C12orf76: variants seen among roughly 807,000 people sequenced by gnomAD.
C12orf76 encodes the protein chromosome 12 open reading frame 76.
C12orf76 carries 6 observed loss-of-function variants against 6.8 expected under a neutral mutation model. The ratio of observed to expected loss-of-function variants is 0.88; its 90% CI spans 0.48 to 1.73. The LOEUF (loss-of-function observed/expected upper bound fraction) is 1.73, where lower values mean the gene tolerates loss of function less well. C12orf76 is among the 40% of genes most tolerant of loss of function. C12orf76 has a pLI of 0.01. For missense variants in C12orf76, 99 were observed against 98.2 expected, an observed-to-expected ratio of 1.01 and a Z score of -0.03; for synonymous variants, 56 against 43.7, an observed-to-expected ratio of 1.28 and a Z score of -1.11.
At chr12:110,066,623 G>T (rs552498143) in intron 1 of C12orf76, among the ~76,000 whole-genome samples, 6 of 152,070 alleles carry the variant, frequency 3.9e-5, no homozygotes, top group Non-Finnish European at 5.9e-5. Flanking sequence ...GGGAGGCGGA[G>T]GTTGCCGTGA....
chr12:110,061,918 C>T (rs552197923), intron 2 of C12orf76, among the ~76,000 whole-genome samples: 2 of 152,240 alleles, frequency 1.3e-5, no homozygotes, highest in South Asian at 2.1e-4. Context: ...ACTGGCTACA[C>T]GACCTTGGAC....
At chr12:110,045,612 T>C (rs1256766443) in intron 1 of C12orf76, among the ~76,000 whole-genome samples, 2 of 149,878 alleles carry the variant, frequency 1.3e-5, no homozygotes, top group African/African-American at 4.9e-5. Flanking sequence ...AACTTAAAAC[T>C]CCCAAAGCAG....
At position 110,042,195 on chromosome 12, in the gene C12orf76, AG is replaced by A. The variant is rs2137209724; in HGVS notation, c.*178del. On this transcript the variant is annotated 3_prime_UTR_variant, in exon 2 of 2. Coordinates refer to ENST00000615315, the MANE Select transcript of C12orf76 (RefSeq NM_001389625.1). Reference sequence around the variant, plus strand: ...CTCAGGGGCCAATTATTTGCGCTACAGTGTTAGGAAAAAATAATGTCTAGTA... The same window carrying A: ...CTCAGGGGCCAATTATTTGCGCTACATGTTAGGAAAAAATAATGTCTAGTA... The A allele has an allele frequency of 1.7e-6, 1 of 599,088 alleles. No individual in the cohort carries two copies. Among genetic ancestry groups the A allele is most frequent in the Non-Finnish European group, 3.0e-6 (1 of 333,236 alleles). The allele number at this position is 599,088 out of a possible 1,614,324, so 37.1% of individuals were successfully genotyped here. A position where few individuals can be genotyped will look rare whatever the true frequency, so the allele number is the denominator to read the frequency against.
At chr12:110,048,592 G>C (rs951185233), upstream of C12orf76, 2 of 1,323,038 alleles carry the variant, frequency 1.5e-6, no homozygotes, top group Non-Finnish European at 1.9e-6. Flanking sequence ...CCGCCCTTAG[G>C]GCGCGCGTCA....
chr12:110,067,398 A>C, intron 1 of C12orf76: 1 of 985,336 alleles, frequency 1.0e-6, no homozygotes, highest in Non-Finnish European at 1.2e-6. Flanking sequence ...AGCCCAGACA[A>C]GCCAGGACTA....
intron 2 of C12orf76, among the ~76,000 whole-genome samples, chr12:110,060,572 A>C: frequency 6.6e-6 from 1 of 151,002 alleles, no homozygotes; most frequent in African/African-American, 2.4e-5. Context: ...CTCTGTGGCT[A>C]CTCCTTCTCA....
exon 2 of C12orf76, chr12:110,066,019 A>G: frequency 6.3e-7 from 1 of 1,594,410 alleles, no homozygotes; most frequent in Non-Finnish European, 8.5e-7. Flanking sequence ...CCTCCCCCTC[A>G]AGCTCTCACA....
At chr12:110,073,456 T>C (rs1158362215) in exon 1 of C12orf76, 2 of 524,204 alleles carry the variant, frequency 3.8e-6, no homozygotes, top group Admixed American at 2.0e-5. Context: ...TGGAAGAACT[T>C]AATGGTGCCA....
At chr12:110,052,941 G>C (rs1448674665), upstream of C12orf76, among the ~76,000 whole-genome samples, 1 of 152,214 alleles carries the variant, frequency 6.6e-6, no homozygotes, top group Non-Finnish European at 1.5e-5. Flanking sequence ...AGTGGCTCAC[G>C]CCTGTATTCC....
chr12:110,070,753 C>T (rs1008052580), upstream of C12orf76, among the ~76,000 whole-genome samples: 5 of 151,998 alleles, frequency 3.3e-5, no homozygotes, highest in Non-Finnish European at 5.9e-5. Flanking sequence ...GTCTTGTTTT[C>T]GATTTCAGCA....
chr12:110,065,417 C>G (rs1337133814), intron 2 of C12orf76, among the ~76,000 whole-genome samples: 1 of 152,016 alleles, frequency 6.6e-6, no homozygotes, highest in Non-Finnish European at 1.5e-5. Flanking sequence ...GTGATCTGCC[C>G]GCCTTGGCCT....
intron 2 of C12orf76, among the ~76,000 whole-genome samples, chr12:110,061,691 C>T (rs1277494305): frequency 6.6e-6 from 1 of 152,052 alleles, no homozygotes; most frequent in Non-Finnish European, 1.5e-5. Flanking sequence ...CATCTGCCCC[C>T]ACGCTCAGCT....
upstream of C12orf76, among the ~76,000 whole-genome samples, chr12:110,051,646 T>A (rs1892578182): frequency 1.3e-5 from 2 of 152,090 alleles, no homozygotes; most frequent in South Asian, 4.1e-4. Flanking sequence ...AGGCTGGTCT[T>A]GAACTCCTGA....
intron 1 of C12orf76, 47 bp from the exon 2 acceptor site, chr12:110,042,506 G>A (rs1230435935): frequency 4.8e-6 from 6 of 1,261,736 alleles, no homozygotes; most frequent in Non-Finnish European, 7.0e-6. Flanking sequence ...TCCAGGTTAG[G>A]CAATTCATCC....
At chr12:110,043,564 CTA>C (rs1349167196) in intron 1 of C12orf76, among the ~76,000 whole-genome samples, 2 of 152,078 alleles carry the variant, frequency 1.3e-5, no homozygotes, top group South Asian at 2.1e-4. Context: ...CACAAATCTG[CTA>C]TGTTTGGCTG....
At chr12:110,071,265 C>T (rs1156663216), upstream of C12orf76, among the ~76,000 whole-genome samples, 1 of 152,152 alleles carries the variant, frequency 6.6e-6, no homozygotes, top group Non-Finnish European at 1.5e-5. Flanking sequence ...CCCCATTTTA[C>T]AGATGAGGAA....
At chr12:110,072,697 T>G (rs1294856045) in intron 1 of C12orf76, among the ~76,000 whole-genome samples, 7 of 151,650 alleles carry the variant, frequency 4.6e-5, no homozygotes, top group Admixed American at 3.9e-4. Context: ...CTGAGGCAGG[T>G]GGATCACATG....
Position 110,042,415 on chromosome 12 carries a change from G to A in C12orf76, c.178C>T (p.Leu60Phe). The A allele has an allele frequency of 6.2e-7, 1 of 1,614,144 alleles. No homozygotes were observed. The highest frequency in any genetic ancestry group is 2.2e-5 in the East Asian group (1 of 44,892). Residue 60 changes from leucine to phenylalanine, a missense_variant, in exon 2 of 2, where the codon CTT (leucine) becomes TTT (phenylalanine). Transcript: ENST00000615315. ...IFSILLVTVI[L>F]MAFCVYKPIR... The stretch of plus-strand genomic sequence containing the variant: ...GGCTTGTAGACACAAAATGCCATAA[G>A]GATGACAGTCACCAGCAGGATGCTG...
upstream of C12orf76, among the ~76,000 whole-genome samples, chr12:110,069,618 T>G (rs1038415988): frequency 1.4e-4 from 21 of 152,284 alleles, no homozygotes; most frequent in Middle Eastern, 6.8e-3. Flanking sequence ...GTGAAGGAAT[T>G]GGCTTATTTT....
Sources: allele counts gnomAD v4.1 joint callset (sites outside exome capture counted in the v4.1 genomes callset), GRCh38; gene constraint gnomAD v4.1.1; transcripts MANE v1.5; gene names NCBI Gene and HGNC (gene_info 2026-07-23, HGNC 2026-07-21).